The following ATP8B3 variants were observed in gnomAD, a reference collection of about 807,000 sequenced individuals.
ATP8B3 encodes the protein phospholipid-transporting ATPase IK.
In ATP8B3, 141 loss-of-function variants were observed where a neutral mutation model predicts 140.9. That is an observed-to-expected ratio of 1.00 (90% CI 0.87 to 1.15). ATP8B3 has a LOEUF of 1.15. ATP8B3 is among the 50% of genes most tolerant of loss of function. The pLI, the probability that ATP8B3 is intolerant of heterozygous loss-of-function variation, is 0.00. For synonymous variants in ATP8B3, 765 were observed against 714.6 expected, an observed-to-expected ratio of 1.07 and a Z score of -1.13; for missense variants, 1,874 against 1,740.6, an observed-to-expected ratio of 1.08 and a Z score of -1.36.
intron 5 of ATP8B3, among the ~76,000 whole-genome samples, 184 bp downstream of exon 5, chr19:1,808,038 C>T (rs1003645538): frequency 2.6e-5 from 4 of 152,258 alleles, no homozygotes; most frequent in Admixed American, 2.6e-4. Flanking sequence ...ATCCATCCAC[C>T]TTTGTCATTC....
Position 1,811,817 on chromosome 19 carries a change from T to C in ATP8B3, c.-81A>G, listed in dbSNP as rs892257240. On this transcript the variant is annotated 5_prime_UTR_variant, in exon 2 of 29. Transcript: ENST00000310127. ...GGGGGAGAGGTGGGGGAGACCCCCGTGGGGGCAGACTGGGGATTGGAGAGT... is the reference window on the plus strand; with the variant it reads ...GGGGGAGAGGTGGGGGAGACCCCCGCGGGGGCAGACTGGGGATTGGAGAGT... 43 of 1,420,216 alleles carry C rather than the reference T, an allele frequency of 3.0e-5. No individual in the cohort carries two copies. Among genetic ancestry groups the C allele is most frequent in the Non-Finnish European group, 3.7e-5 (40 of 1,068,406 alleles). 88.0% of individuals were successfully genotyped at this position (1,420,216 alleles called of 1,614,324 possible).
intron 14 of ATP8B3, among the ~76,000 whole-genome samples, chr19:1,797,244 A>G (rs1285949790): frequency 6.6e-6 from 1 of 151,770 alleles, no homozygotes; most frequent in African/African-American, 2.4e-5. Context: ...GGGACCCCAA[A>G]AGGACAGCCT....
chr19:1,796,759 C>T lies in ATP8B3; in HGVS notation c.1705G>A (p.Ala569Thr), dbSNP rs770105890. 5 of 1,612,132 alleles carry T rather than the reference C, an allele frequency of 3.1e-6. No homozygotes were observed. The African/African-American group carries it at 6.7e-5, about 22-fold the overall frequency. The change falls in exon 16 of 29, where the codon GCC (alanine) becomes ACC (threonine). Residue 569 changes from alanine (A) to threonine (T), a missense_variant. Physicochemically the swap from Ala to Thr is moderately conservative, Grantham distance 58. Transcript: ENST00000310127. ...CGCACCATCACCGTGTGGCAGATGG[C>T]CAGCAGGCGCCAGAACTCCCGCACG... ...EAVREFWRLL[A>T]ICHTVMVRES...
At chr19:1,795,536 G>A (rs2068638114) in intron 18 of ATP8B3, among the ~76,000 whole-genome samples, 1 of 152,098 alleles carries the variant, frequency 6.6e-6, no homozygotes, top group Non-Finnish European at 1.5e-5. Flanking sequence ...GGGCGACAGA[G>A]CAAGACTCTG....
At position 1,800,817 on chromosome 19, in the gene ATP8B3, CTT is replaced by C. The variant is rs57411081; in HGVS notation, c.1153-370_1153-369del. 1.7e-4 allele frequency among the ~76,000 whole-genome samples: 24 copies of C among 144,608 alleles called. No individual in the cohort carries two copies. The highest frequency in any genetic ancestry group is 4.1e-4 in the Admixed American group (6 of 14,526). The allele number at this position is 144,608 out of a possible 152,430, so 94.9% of individuals were successfully genotyped here. A position where few individuals can be genotyped will look rare whatever the true frequency, so the allele number is the denominator to read the frequency against. ...TGGGCAATAGAGTGAGATAGAAAAA[CTT>C]TTTTTTTTTTAATTTTTTTTTTTTT... is the stretch of plus-strand genomic sequence containing the variant. On this transcript the variant is annotated intron_variant, in intron 12 of 28. Transcript: ENST00000310127. This position sits in a 1 kb window ranked among gnomAD's most constrained non-coding sequence, Gnocchi z 4.4.
chr19:1,805,388 A>G lies in ATP8B3; in HGVS notation c.890T>C (p.Met297Thr), dbSNP rs560235669. ...ACGCCTCTCACCTTGAAAGGACGCC[A>G]TCTTCTTTATAGTGGCCAGTTCTTT... ...THKELATIKK[M>T]ASFQGTVTCE... The change falls in exon 10 of 29, where the codon ATG (methionine) becomes ACG (threonine). Residue 297 changes from methionine (M) to threonine (T), a missense_variant. Met to Thr is a moderately conservative substitution (Grantham distance 81). Around this residue, in one of 3 missense-constraint regions of ATP8B3, gnomAD observed 1,032 missense variants for 963.6 expected, o/e 1.07. Transcript: ENST00000310127. The surrounding 1 kb of genome is among the most constrained non-coding windows in gnomAD (Gnocchi z 5.2). 32 of 1,566,944 alleles carry G rather than the reference A, an allele frequency of 2.0e-5. No homozygotes were observed. Among genetic ancestry groups the G allele is most frequent in the Middle Eastern group, 1.7e-4 (1 of 6,008 alleles).
chr19:1,799,860 G>A (rs757917654), intron 14 of ATP8B3, 87 bp downstream of exon 14: 1 of 1,317,568 alleles, frequency 7.6e-7, no homozygotes, highest in South Asian at 1.3e-5. Context: ...TGCTGGGCAT[G>A]GGGCCAGACG....
Position 1,789,982 on chromosome 19 carries a change from G to A in ATP8B3, c.2386C>T (p.Leu796=). 6.2e-7 allele frequency: 1 copy of A among 1,611,496 alleles called. No individual in the cohort carries two copies. Residue 796 remains leucine (L), a synonymous_variant, in exon 22 of 29, where the codon CTG becomes TTG. Coordinates refer to ENST00000310127, the MANE Select transcript of ATP8B3 (RefSeq NM_138813.4). Reference sequence around the variant, plus strand: ...TTACTGTTTTCCCAGTAGGTCTCCAGGATGCGGCTGCGGGGCGCAGGGGTC... The same window carrying A: ...TTACTGTTTTCCCAGTAGGTCTCCAAGATGCGGCTGCGGGGCGCAGGGGTC... ...ILEEKEISRI[L]ETYWENSNNL... is the part of the protein sequence containing the mutation.
chr19:1,800,462 C>T lies in ATP8B3; in HGVS notation c.1153-13G>A, dbSNP rs753338406. The T allele has an allele frequency of 1.3e-5, 21 of 1,584,866 alleles. No individual in the cohort carries two copies. Among genetic ancestry groups the T allele is most frequent in the Middle Eastern group, 1.7e-4 (1 of 5,962 alleles). ...CGGAGATGAAGATCTGGAAGGCAGA[C>T]GCGACAGGGTGGGTGAGGGGGGCGG... On this transcript the variant is annotated splice_polypyrimidine_tract_variant and intron_variant, in intron 12 of 28. Coordinates refer to ENST00000310127, the MANE Select transcript of ATP8B3 (RefSeq NM_138813.4). This position sits in a 1 kb window ranked among gnomAD's most constrained non-coding sequence, Gnocchi z 4.4.
intron 16 of ATP8B3, 96 bp from the exon 17 acceptor site, chr19:1,796,361 T>G: frequency 8.3e-7 from 1 of 1,199,430 alleles, no homozygotes; most frequent in Non-Finnish European, 1.1e-6. Flanking sequence ...GGCTACACCT[T>G]TATTGATGGT....
intron 14 of ATP8B3, 41 bp downstream of exon 14, chr19:1,799,906 G>T: frequency 6.5e-7 from 1 of 1,541,198 alleles, no homozygotes; most frequent in South Asian, 1.2e-5. Context: ...GCCCCTTGAA[G>T]ATCGAGGACC....
chr19:1,786,585 T>C (rs2068311879), intron 25 of ATP8B3, among the ~76,000 whole-genome samples: 1 of 150,530 alleles, frequency 6.6e-6, no homozygotes, highest in Non-Finnish European at 1.5e-5. Context: ...AAAAAAAAGA[T>C]TCTAGCAAAC....
chr19:1,802,010 C>T lies in ATP8B3; in HGVS notation c.1098G>A (p.Lys366=). ...CCAGCTTGGTTCTCTTCAAATGGAT[C>T]TTGCCACAGTTCTTCATAATTTTTG... ...FDTKIMKNCG[K]IHLKRTKLDL... is the part of the protein sequence containing the mutation. The change falls in exon 12 of 29, where the codon AAG becomes AAA. Residue 366 remains lysine, a synonymous_variant. Transcript: ENST00000310127. 1.2e-6 allele frequency: 2 copies of T among 1,612,542 alleles called. No homozygotes were observed. Among genetic ancestry groups the T allele is most frequent in the Non-Finnish European group, 8.5e-7 (1 of 1,179,732 alleles).
intron 22 of ATP8B3, 65 bp downstream of exon 22, chr19:1,789,825 C>T: frequency 3.1e-6 from 5 of 1,591,104 alleles, no homozygotes; most frequent in Non-Finnish European, 4.3e-6. Context: ...CCACCCCGAG[C>T]CCGCCGCCCC....
chr19:1,784,612 G>A (rs1243458069), intron 28 of ATP8B3, among the ~76,000 whole-genome samples: 1 of 152,198 alleles, frequency 6.6e-6, no homozygotes, highest in Non-Finnish European at 1.5e-5. Flanking sequence ...TGCTTTGTCG[G>A]GGGAGTGAGG....
chr19:1,783,376 T>C (rs925949360), intron 28 of ATP8B3, 106 bp from the exon 29 acceptor site: 5 of 1,394,368 alleles, frequency 3.6e-6, no homozygotes, highest in Admixed American at 4.7e-5. Context: ...TGGCCACTAT[T>C]GATTGGCTAC....
chr19:1,783,995 T>C (rs7248557), intron 28 of ATP8B3, among the ~76,000 whole-genome samples: 11,936 of 152,144 alleles, frequency 0.078, 681 homozygotes, highest in African/African-American at 0.16. Flanking sequence ...CCGCTGCGCC[T>C]GGCCTTGAGC....
rs375007319 is a variant in ATP8B3 at position 1,782,539 on chromosome 19, G to T, written c.*489C>A. On this transcript the variant is annotated 3_prime_UTR_variant, in exon 29 of 29. Coordinates refer to ENST00000310127, the MANE Select transcript of ATP8B3 (RefSeq NM_138813.4). Reference sequence around the variant, plus strand: ...GAAGTGGCACCGTCCCCTCCTTGGGGGTGTGAGGCTCCTTTTGCCAGCTCT... The same window carrying T: ...GAAGTGGCACCGTCCCCTCCTTGGGTGTGTGAGGCTCCTTTTGCCAGCTCT... 14 of 200,012 alleles carry T rather than the reference G, an allele frequency of 7.0e-5. No individual in the cohort carries two copies. The highest frequency in any genetic ancestry group is 3.3e-4 in the African/African-American group (14 of 42,550). The allele number at this position is 200,012 out of a possible 1,614,324, so 12.4% of individuals were successfully genotyped here.
chr19:1,808,521 ACCAGCATTTACTGAG>A (rs1025564361), intron 4 of ATP8B3, among the ~76,000 whole-genome samples, 186 bp from the exon 5 acceptor site: 1 of 150,228 alleles, frequency 6.7e-6, no homozygotes, highest in African/African-American at 2.5e-5. Flanking sequence ...AAGGCCTCAG[ACCAGCATTTACTGAG>A]CACCTGCTGA....
Sources: allele counts gnomAD v4.1 joint callset (sites outside exome capture counted in the v4.1 genomes callset), GRCh38; gene constraint gnomAD v4.1.1; regional missense constraint gnomAD v4.1.1; non-coding constraint Gnocchi (gnomAD v3.1); transcripts MANE v1.5; gene names NCBI Gene and HGNC (gene_info 2026-07-23, HGNC 2026-07-21).